The following KDM1A variants were observed in gnomAD, a reference collection of about 807,000 sequenced individuals.
The protein encoded by KDM1A is lysine demethylase 1A, also known as lysine-specific histone demethylase 1A.
A neutral mutation model predicts 109.4 loss-of-function variants in KDM1A; 49 were observed. The ratio of observed to expected loss-of-function variants is 0.45; its 90% CI spans 0.36 to 0.57. The LOEUF is 0.57. Ranked by LOEUF, KDM1A falls within the 20% of genes least tolerant of loss-of-function variation. The pLI is 0.00. For missense variants in KDM1A, 668 were observed against 1,116.6 expected (o/e 0.60, Z 5.73); for synonymous variants, 380 against 415.4 (o/e 0.91, Z 1.04).
At chr1:23,049,549 G>T (rs1441373876) in intron 3 of KDM1A, among the ~76,000 whole-genome samples, 1 of 151,888 alleles carries the variant, frequency 6.6e-6, no homozygotes, top group African/African-American at 2.4e-5. Context: ...GCCAGGCATG[G>T]GAGCGGGTGC....
chr1:23,057,725 T>C, intron 8 of KDM1A, 160 bp downstream of exon 8: 1 of 488,106 alleles, frequency 2.0e-6, no homozygotes. Context: ...TGTACATATC[T>C]TTTGACCTAG....
At position 23,047,683 on chromosome 1, in the gene KDM1A, T is replaced by A. The variant is rs1301174662; in HGVS notation, c.578-2704T>A. On this transcript the variant is annotated intron_variant, in intron 3 of 20. Transcript: ENST00000400181. ...TTGGGAGGCCGAGATGGTGTATCGC[T>A]TGAGCTCAAGAGTTTGAGACCAGCC... Among the ~76,000 whole-genome samples the A allele has an allele frequency of 6.6e-5, 10 of 152,132 alleles. No individual in the cohort carries two copies. The East Asian group carries it at 1.9e-3, about 29-fold the overall frequency.
chr1:23,036,335 A>G (rs1642142763), intron 2 of KDM1A, among the ~76,000 whole-genome samples: 1 of 152,100 alleles, frequency 6.6e-6, no homozygotes, highest in East Asian at 1.9e-4. Flanking sequence ...CTGTGTTGTC[A>G]TTTTGACATG....
intron 4 of KDM1A, among the ~76,000 whole-genome samples, chr1:23,052,798 C>T (rs1163436974): frequency 1.3e-5 from 2 of 152,160 alleles, no homozygotes; most frequent in East Asian, 3.8e-4. Context: ...TGATCCTTAA[C>T]AATTGGCCAT....
intron 1 of KDM1A, among the ~76,000 whole-genome samples, chr1:23,020,997 C>T (rs1293147508): frequency 1.3e-5 from 2 of 152,020 alleles, no homozygotes; most frequent in Non-Finnish European, 2.9e-5. Flanking sequence ...TATATATGTG[C>T]GTGTAGTCAA....
chr1:23,034,116 T>C (rs1043163996), intron 2 of KDM1A, among the ~76,000 whole-genome samples: 2 of 152,234 alleles, frequency 1.3e-5, no homozygotes, highest in Non-Finnish European at 2.9e-5. Context: ...TGTGATATTG[T>C]AGTCCTATGG....
chr1:23,045,641 A>G (rs577108778), intron 3 of KDM1A, among the ~76,000 whole-genome samples: 6 of 152,140 alleles, frequency 3.9e-5, no homozygotes, highest in Non-Finnish European at 5.9e-5. Flanking sequence ...TCTTGAAGAA[A>G]GAAGTTGAGT....
intron 3 of KDM1A, among the ~76,000 whole-genome samples, chr1:23,047,515 A>C (rs1052556583): frequency 6.6e-6 from 1 of 152,174 alleles, no homozygotes; most frequent in African/African-American, 2.4e-5. Flanking sequence ...AATACTTTGA[A>C]ACTGCTGGAT....
chr1:23,037,372 A>C (rs1251908587), intron 2 of KDM1A, among the ~76,000 whole-genome samples: 1 of 152,092 alleles, frequency 6.6e-6, no homozygotes, highest in Non-Finnish European at 1.5e-5. Flanking sequence ...TACAATGAAG[A>C]AACTACAATA....
chr1:23,077,181 A>T, intron 15 of KDM1A, 47 bp from the exon 16 acceptor site: 2 of 1,587,328 alleles, frequency 1.3e-6, no homozygotes, highest in Non-Finnish European at 1.7e-6. Context: ...TGCAAATGAC[A>T]CAGATTAATA....
intron 2 of KDM1A, among the ~76,000 whole-genome samples, chr1:23,038,684 T>C (rs1642221769): frequency 6.6e-6 from 1 of 152,226 alleles, no homozygotes; most frequent in South Asian, 2.1e-4. Context: ...TTTACTTTCT[T>C]TTGATAAGAT....
chr1:23,025,023 T>G (rs2124344589), intron 1 of KDM1A, among the ~76,000 whole-genome samples: 1 of 152,322 alleles, frequency 6.6e-6, no homozygotes, highest in South Asian at 2.1e-4. Context: ...ACAAGATAGA[T>G]TGAAGGGACC....
At chr1:23,082,439 T>C in intron 20 of KDM1A, 73 bp downstream of exon 20, 4 of 1,464,282 alleles carry the variant, frequency 2.7e-6, no homozygotes, top group Non-Finnish European at 3.7e-6. Context: ...GATTTTTTTT[T>C]TTTTTTTCAG....
intron 9 of KDM1A, among the ~76,000 whole-genome samples, chr1:23,060,192 T>C (rs1642960348): frequency 6.6e-6 from 1 of 152,316 alleles, no homozygotes; most frequent in East Asian, 1.9e-4. Flanking sequence ...AACTCAACAA[T>C]TGAGTAAACT....
At chr1:23,067,927 C>T (rs957767556) in intron 10 of KDM1A, among the ~76,000 whole-genome samples, 1 of 152,220 alleles carries the variant, frequency 6.6e-6, no homozygotes, top group Non-Finnish European at 1.5e-5. Context: ...TACTCATAGA[C>T]TCTCTTAAGA....
intron 2 of KDM1A, among the ~76,000 whole-genome samples, chr1:23,040,602 A>G (rs919364430): frequency 6.6e-6 from 1 of 151,576 alleles, no homozygotes; most frequent in Non-Finnish European, 1.5e-5. Context: ...CCTGGGCAAC[A>G]TATCGAGAAC....
In KDM1A at chr1:23,022,640, T is replaced by G. The variant is rs567624020; in HGVS notation, c.351+2693T>G. On this transcript the variant is annotated intron_variant, in intron 1 of 20. Transcript: ENST00000400181. ...CAGGCATGAGCCACTGCGCCTGGCC[T>G]TCTTCTTCTTTTTTTTTTTTTTTTT... 4.3e-4 allele frequency among the ~76,000 whole-genome samples: 52 copies of G among 121,634 alleles called. No individual in the cohort carries two copies. In the East Asian group the frequency reaches 0.011, roughly 25 times the overall value. 79.8% of individuals were successfully genotyped at this position (121,634 alleles called of 152,430 possible). A position where few individuals can be genotyped will look rare whatever the true frequency, so the allele number is the denominator to read the frequency against.
intron 2 of KDM1A, among the ~76,000 whole-genome samples, chr1:23,031,362 T>C (rs1641975152): frequency 6.6e-6 from 1 of 152,218 alleles, no homozygotes; most frequent in Non-Finnish European, 1.5e-5. Context: ...TTATTTACTC[T>C]TTTTGACTTT....
At position 23,039,693 on chromosome 1, in the gene KDM1A, A is replaced by C. The variant is rs75167435; in HGVS notation, c.518-4734A>C. 2.7e-3 allele frequency among the ~76,000 whole-genome samples: 408 copies of C among 152,334 alleles called. 4 individuals carry two copies. The highest frequency in any genetic ancestry group is 9.1e-3 in the African/African-American group (378 of 41,592). ...TGTGCTTTTCTCTTTATCTTTGTAAATGATCTGGACCATAGTCGTGGTTTC... is the reference window on the plus strand; with the variant it reads ...TGTGCTTTTCTCTTTATCTTTGTAACTGATCTGGACCATAGTCGTGGTTTC... On this transcript the variant is annotated intron_variant, in intron 2 of 20. Coordinates refer to ENST00000400181, the MANE Select transcript of KDM1A (RefSeq NM_001009999.3).
Sources: gnomAD v4.1 joint callset for allele counts (sites outside exome capture counted in the v4.1 genomes callset) on GRCh38, gnomAD v4.1.1 for gene constraint, MANE v1.5 for transcripts, NCBI Gene and HGNC (gene_info 2026-07-23, HGNC 2026-07-21) for gene names.